Variants in UGP2 observed in about 807,000 individuals in gnomAD.
The protein encoded by UGP2 is UDP-glucose pyrophosphorylase 2.
UGP2 carries 40 observed loss-of-function variants against 49.0 expected under a neutral mutation model. That is an observed-to-expected ratio of 0.82 (90% CI 0.63 to 1.06). The LOEUF (loss-of-function observed/expected upper bound fraction) is 1.06. UGP2 is among the 50% of genes least tolerant of loss of function. UGP2 has a pLI of 0.00. For missense variants in UGP2, 460 were observed against 603.5 expected (o/e 0.76, Z 2.49); for synonymous variants, 225 against 213.0 (o/e 1.06, Z -0.49).
At chr2:63,878,349 C>T (rs1671063024) in intron 3 of UGP2, among the ~76,000 whole-genome samples, 1 of 152,108 alleles carries the variant, frequency 6.6e-6, no homozygotes, top group South Asian at 2.1e-4. Flanking sequence ...CGTTCTCTCA[C>T]CCTATTTGTC....
Position 63,886,329 on chromosome 2 carries a change from C to T in UGP2, c.874-12C>T. The T allele has an allele frequency of 6.2e-7, 1 of 1,613,222 alleles. No homozygotes were observed. Among genetic ancestry groups the T allele is most frequent in the South Asian group, 1.1e-5 (1 of 91,052 alleles). On this transcript the variant is annotated splice_polypyrimidine_tract_variant and intron_variant, in intron 6 of 9. Coordinates refer to ENST00000337130, the MANE Select transcript of UGP2 (RefSeq NM_006759.4). ...CTGATGTGGAGGCACTCACTATTTT[C>T]TGCCTTTCTAGGGCGGGACACTCAC...
chr2:63,853,215 G>T (rs1331463536), intron 1 of UGP2, among the ~76,000 whole-genome samples: 1 of 152,126 alleles, frequency 6.6e-6, no homozygotes, highest in Non-Finnish European at 1.5e-5. Flanking sequence ...GCTTTTCTAG[G>T]AGGAATATTC....
chr2:63,882,336 A>T (rs1671373987), intron 3 of UGP2, 130 bp from the exon 4 acceptor site: 1 of 838,734 alleles, frequency 1.2e-6, no homozygotes, highest in Non-Finnish European at 1.7e-6. Flanking sequence ...GACATTAAAG[A>T]AAAGTTGATT....
At chr2:63,884,577 A>G (rs1371329654) in intron 5 of UGP2, among the ~76,000 whole-genome samples, 2 of 152,236 alleles carry the variant, frequency 1.3e-5, no homozygotes, top group Admixed American at 1.3e-4. Context: ...TAAGACTTCC[A>G]TTTAAGGGAT....
chr2:63,885,942 T>A, intron 6 of UGP2, 56 bp downstream of exon 6: 1 of 1,489,312 alleles, frequency 6.7e-7, no homozygotes, highest in Non-Finnish European at 8.9e-7. Flanking sequence ...TCGTAAGTTA[T>A]GAAGTTAAAG....
chr2:63,860,730 G>A (rs1019510701), intron 3 of UGP2, among the ~76,000 whole-genome samples: 6 of 151,250 alleles, frequency 4.0e-5, no homozygotes, highest in Non-Finnish European at 8.8e-5. Flanking sequence ...GAGTAGGCAG[G>A]ACTACAGGCA....
chr2:63,870,140 T>G (rs2104318129), intron 3 of UGP2, among the ~76,000 whole-genome samples: 1 of 152,206 alleles, frequency 6.6e-6, no homozygotes, highest in South Asian at 2.1e-4. Flanking sequence ...GCCAGGATGA[T>G]CTCGATATCC....
chr2:63,860,351 CATTCATTT>C (rs1669751962), intron 3 of UGP2, among the ~76,000 whole-genome samples: 1 of 152,180 alleles, frequency 6.6e-6, no homozygotes, highest in Admixed American at 6.5e-5. Flanking sequence ...CACACCCACA[CATTCATTT>C]ATGTATTGTC....
intron 1 of UGP2, among the ~76,000 whole-genome samples, chr2:63,847,658 G>T (rs1342964713): frequency 3.9e-5 from 6 of 152,188 alleles, no homozygotes; most frequent in Non-Finnish European, 8.8e-5. Context: ...GCGGGCAGGA[G>T]TGGGGGTCAC....
chr2:63,887,303 C>T, intron 7 of UGP2, 99 bp from the exon 8 acceptor site: 3 of 1,460,346 alleles, frequency 2.1e-6, no homozygotes, highest in Non-Finnish European at 2.8e-6. Context: ...ATCAATGGAT[C>T]TCTGAAATCA....
rs955981386 is a variant in UGP2, at chr2:63,891,352, A to G, written c.*125A>G. On this transcript the variant is annotated 3_prime_UTR_variant, in exon 10 of 10. Transcript: ENST00000337130. ...ACCCTGCAGTGTTGATTTTTAAAAT[A>G]GAGTTTTCTGCAGTATGCTTTTAGT... The G allele has an allele frequency of 9.0e-6, 6 of 667,412 alleles. No homozygotes were observed. Among genetic ancestry groups the G allele is most frequent in the Non-Finnish European group, 1.4e-5 (6 of 425,370 alleles). The allele number at this position is 667,412 out of a possible 1,614,324, so 41.3% of individuals were successfully genotyped here.
At chr2:63,857,184 C>T (rs1245402320) in intron 2 of UGP2, among the ~76,000 whole-genome samples, 1 of 151,676 alleles carries the variant, frequency 6.6e-6, no homozygotes, top group Admixed American at 6.6e-5. Context: ...GCCTGTGGTC[C>T]CAGCTACTGG....
At chr2:63,856,678 C>T (rs572414116) in intron 2 of UGP2, 3 of 519,140 alleles carry the variant, frequency 5.8e-6, no homozygotes, top group Non-Finnish European at 1.1e-5. Context: ...TAATCAGAAC[C>T]AAATTATACT....
intron 1 of UGP2, among the ~76,000 whole-genome samples, chr2:63,844,654 T>A (rs1449492982): frequency 2.0e-5 from 3 of 152,182 alleles, no homozygotes; most frequent in Admixed American, 6.5e-5. Context: ...CTTGATCTCC[T>A]TGGCTTAAGC....
intron 7 of UGP2, 78 bp downstream of exon 7, chr2:63,886,616 T>A (rs950018631): frequency 6.7e-7 from 1 of 1,482,080 alleles, no homozygotes; most frequent in Admixed American, 1.9e-5. Flanking sequence ...CATCGCCCAC[T>A]CCCTCTGTCC....
chr2:63,866,908 A>G (rs1467368075), intron 3 of UGP2, among the ~76,000 whole-genome samples: 1 of 152,178 alleles, frequency 6.6e-6, no homozygotes, highest in African/African-American at 2.4e-5. Flanking sequence ...GTGAAACCCC[A>G]AATTACATAG....
At chr2:63,862,374 A>C (rs1187579467) in intron 3 of UGP2, among the ~76,000 whole-genome samples, 1 of 152,132 alleles carries the variant, frequency 6.6e-6, no homozygotes, top group Non-Finnish European at 1.5e-5. Flanking sequence ...AATATTGCCA[A>C]AGCTTCAACT....
At chr2:63,869,725 T>C (rs1441603423) in intron 3 of UGP2, among the ~76,000 whole-genome samples, 1 of 152,092 alleles carries the variant, frequency 6.6e-6, no homozygotes, top group Non-Finnish European at 1.5e-5. Context: ...TTAGTACTGG[T>C]GTATGTAGCT....
chr2:63,876,336 T>G (rs1670901599), intron 3 of UGP2, among the ~76,000 whole-genome samples: 1 of 152,086 alleles, frequency 6.6e-6, no homozygotes, highest in Non-Finnish European at 1.5e-5. Context: ...ATCAAATGAC[T>G]AGTACCTTTG....
Sources: gnomAD v4.1 joint callset for allele counts (sites outside exome capture counted in the v4.1 genomes callset) on GRCh38, gnomAD v4.1.1 for gene constraint, MANE v1.5 for transcripts, NCBI Gene and HGNC (gene_info 2026-07-23, HGNC 2026-07-21) for gene names.